Variants in XXYLT1 observed in about 807,000 individuals in gnomAD.
XXYLT1 encodes the protein UDP-xylose:alpha-xyloside alpha-1,3-xylosyltransferase.
A neutral mutation model predicts 28.9 loss-of-function variants in XXYLT1; 20 were observed. That is an observed-to-expected ratio of 0.69 (90% CI 0.49 to 1.00). The LOEUF is 1.00. XXYLT1 is among the 50% of genes least tolerant of loss of function. The pLI, the probability that XXYLT1 is intolerant of heterozygous loss-of-function variation, is 0.00. For synonymous variants in XXYLT1, 257 were observed against 253.8 expected (o/e 1.01, Z -0.12); for missense variants, 542 against 560.1 (o/e 0.97, Z 0.33).
chr3:195,163,342 C>T (rs1720965977), intron 2 of XXYLT1, among the ~76,000 whole-genome samples: 1 of 152,178 alleles, frequency 6.6e-6, no homozygotes, highest in Non-Finnish European at 1.5e-5. Context: ...CCCATGCCAC[C>T]TTATGGATTC....
At chr3:195,169,546 C>T (rs911038800) in intron 2 of XXYLT1, among the ~76,000 whole-genome samples, 20 of 152,190 alleles carry the variant, frequency 1.3e-4, no homozygotes, top group African/African-American at 4.6e-4. Flanking sequence ...CGCCACAATG[C>T]GGTTCCACTT....
intron 2 of XXYLT1, among the ~76,000 whole-genome samples, chr3:195,202,037 T>G (rs866425441): frequency 4.6e-5 from 7 of 151,922 alleles, no homozygotes; most frequent in Non-Finnish European, 1.0e-4. Flanking sequence ...ATTAGCCAGG[T>G]GTGGTGGTGT....
At chr3:195,122,234 A>G (rs1419566988) in intron 3 of XXYLT1, 1 of 699,634 alleles carries the variant, frequency 1.4e-6, no homozygotes, top group Non-Finnish European at 2.6e-6. Flanking sequence ...TCCTGATACC[A>G]TCACACTGGG....
At chr3:195,126,878 C>T (rs1286775303) in intron 3 of XXYLT1, among the ~76,000 whole-genome samples, 1 of 152,186 alleles carries the variant, frequency 6.6e-6, no homozygotes, top group Non-Finnish European at 1.5e-5. Flanking sequence ...ATTTGATTTT[C>T]TTGCCTGGTT....
chr3:195,143,815 G>GATATAGATATAGATATAT (rs1719638150), intron 3 of XXYLT1, among the ~76,000 whole-genome samples: 16 of 77,362 alleles, frequency 2.1e-4, no homozygotes, highest in Non-Finnish European at 3.6e-4. Context: ...GATATATATA[G>GATATAGATATAGATATAT]ATATAGATAT....
intron 2 of XXYLT1, among the ~76,000 whole-genome samples, chr3:195,206,147 A>T (rs961109882): frequency 2.0e-5 from 3 of 149,584 alleles, no homozygotes; most frequent in Non-Finnish European, 4.4e-5. Flanking sequence ...AGTAGCTGGG[A>T]CTACAGGCCC....
rs749765053 is a variant in XXYLT1, at chr3:195,078,990, C to T, written c.786-8879G>A. On this transcript the variant is annotated intron_variant, in intron 3 of 3. Transcript: ENST00000310380. The surrounding 1 kb of genome is among the most constrained non-coding windows in gnomAD (Gnocchi z 5.0). ...GCTCCAGTGATGGGAACTGAGATCC[C>T]TCTCTGGCGGCAACGTCCTGACCCA... Among the ~76,000 whole-genome samples the T allele has an allele frequency of 6.6e-6, 1 of 152,186 alleles. No individual in the cohort carries two copies. The highest frequency in any genetic ancestry group is 1.5e-5 in the Non-Finnish European group (1 of 68,032).
chr3:195,202,191 G>A lies in XXYLT1; in HGVS notation c.652+24518C>T, dbSNP rs540143821. The stretch of plus-strand genomic sequence containing the variant: ...GACTCCGTCTCAAAAAAAAAGAGTA[G>A]ACAAGGACTGACGGAGGCCAACTTC... On this transcript the variant is annotated intron_variant, in intron 2 of 3. Coordinates refer to ENST00000310380, the MANE Select transcript of XXYLT1 (RefSeq NM_152531.5). 6.5e-4 allele frequency among the ~76,000 whole-genome samples: 99 copies of A among 152,104 alleles called. 2 individuals carry two copies. The highest frequency in any genetic ancestry group is 7.2e-4 in the Admixed American group (11 of 15,274).
intron 2 of XXYLT1, among the ~76,000 whole-genome samples, chr3:195,187,307 C>T (rs971357790): frequency 1.3e-5 from 2 of 152,014 alleles, no homozygotes; most frequent in African/African-American, 2.4e-5. Context: ...TCGTGATCCA[C>T]CCGCCTTGGC....
intron 3 of XXYLT1, among the ~76,000 whole-genome samples, chr3:195,126,760 C>T (rs535592930): frequency 1.3e-5 from 2 of 152,328 alleles, no homozygotes; most frequent in Admixed American, 6.5e-5. Flanking sequence ...ACAGCATTGC[C>T]ACCCCATCTG....
At chr3:195,204,441 G>T (rs368106121) in intron 2 of XXYLT1, among the ~76,000 whole-genome samples, 1 of 146,742 alleles carries the variant, frequency 6.8e-6, no homozygotes, top group African/African-American at 2.6e-5. Context: ...CTCTCTCCCT[G>T]ACACACACAC....
At chr3:195,156,870 A>ACCTGCTGTC (rs1720624350) in intron 2 of XXYLT1, among the ~76,000 whole-genome samples, 1 of 152,160 alleles carries the variant, frequency 6.6e-6, no homozygotes, top group Admixed American at 6.5e-5. Flanking sequence ...TCCTGATGTA[A>ACCTGCTGTC]CTGTTAACCG....
At chr3:195,266,687 G>C (rs1725859784) in intron 1 of XXYLT1, among the ~76,000 whole-genome samples, 1 of 152,102 alleles carries the variant, frequency 6.6e-6, no homozygotes, top group African/African-American at 2.4e-5. Context: ...GCCTGAACTG[G>C]GTCTTAGAGA....
intron 2 of XXYLT1, among the ~76,000 whole-genome samples, chr3:195,170,880 CA>C (rs147539070): frequency 3.4e-4 from 49 of 143,154 alleles, no homozygotes; most frequent in Admixed American, 6.3e-4. Context: ...CCGTCTTAAC[CA>C]AAAAAAAAAA....
At chr3:195,248,038 T>C (rs1043100401) in intron 1 of XXYLT1, 14 of 513,982 alleles carry the variant, frequency 2.7e-5, no homozygotes, top group Non-Finnish European at 3.8e-5. Flanking sequence ...CAGCCAAACC[T>C]TATCAGCCAC....
At chr3:195,109,753 A>G (rs111067012) in intron 3 of XXYLT1, among the ~76,000 whole-genome samples, 5,298 of 17,796 alleles carry the variant, frequency 0.3, 1,571 homozygotes, top group African/African-American at 0.51. Context: ...TCAGGTATGT[A>G]TGTGAGTGTG....
At chr3:195,167,625 A>T (rs1378532582) in intron 2 of XXYLT1, among the ~76,000 whole-genome samples, 1 of 152,144 alleles carries the variant, frequency 6.6e-6, no homozygotes, top group African/African-American at 2.4e-5. Context: ...AATTGCCAAA[A>T]GGTGACTTTC....
rs1046156542 is a variant in XXYLT1, at chr3:195,256,149, C to A, written c.504+14406G>T. Among the ~76,000 whole-genome samples, 1 of 152,202 alleles carries A rather than the reference C, an allele frequency of 6.6e-6. No individual in the cohort carries two copies. Among genetic ancestry groups the A allele is most frequent in the Admixed American group, 6.5e-5 (1 of 15,280 alleles). ...ACAAACCGCCAAAATCAACAGGCATCGGGCAGAGTGCTGAAGAATCAGCAA... is the reference window on the plus strand; with the variant it reads ...ACAAACCGCCAAAATCAACAGGCATAGGGCAGAGTGCTGAAGAATCAGCAA... On this transcript the variant is annotated intron_variant, in intron 1 of 3. Coordinates refer to ENST00000310380, the MANE Select transcript of XXYLT1 (RefSeq NM_152531.5). The surrounding 1 kb of genome is among the most constrained non-coding windows in gnomAD (Gnocchi z 4.2).
At chr3:195,083,814 T>G (rs1715572727) in intron 3 of XXYLT1, among the ~76,000 whole-genome samples, 1 of 152,016 alleles carries the variant, frequency 6.6e-6, no homozygotes, top group Non-Finnish European at 1.5e-5. Flanking sequence ...TCACTTGCAG[T>G]CAGGAGTTTG....
Sources: allele counts gnomAD v4.1 joint callset (sites outside exome capture counted in the v4.1 genomes callset), GRCh38; gene constraint gnomAD v4.1.1; non-coding constraint Gnocchi (gnomAD v3.1); transcripts MANE v1.5; gene names NCBI Gene and HGNC (gene_info 2026-07-23, HGNC 2026-07-21).